ACOXL: variants seen among roughly 807,000 people sequenced by gnomAD.
ACOXL encodes the protein acyl-coenzyme A oxidase-like protein.
A neutral mutation model predicts 71.9 loss-of-function variants in ACOXL; 70 were observed. The ratio of observed to expected loss-of-function variants is 0.97; its 90% CI spans 0.80 to 1.19. The LOEUF (loss-of-function observed/expected upper bound fraction) is 1.19, where lower values mean the gene tolerates loss of function less well. Ranked by LOEUF, ACOXL falls within the 50% of genes most tolerant of loss-of-function variation. ACOXL has a pLI of 0.00. For synonymous variants in ACOXL, 253 were observed against 281.6 expected (o/e 0.90, Z 1.02); for missense variants, 703 against 736.3 (o/e 0.95, Z 0.52).
chr2:111,017,196 T>TG (rs1454162211), intron 14 of ACOXL, among the ~76,000 whole-genome samples: 1 of 152,126 alleles, frequency 6.6e-6, no homozygotes, highest in African/African-American at 2.4e-5. Flanking sequence ...GTGGTGGTAT[T>TG]GGGGTGTGCA....
chr2:111,090,982 A>G (rs1474332722), intron 16 of ACOXL, among the ~76,000 whole-genome samples: 2 of 152,152 alleles, frequency 1.3e-5, no homozygotes, highest in African/African-American at 4.8e-5. Context: ...GAGGTCCTTC[A>G]CATCCCTTGT....
chr2:111,064,978 A>G (rs999387087), intron 16 of ACOXL, among the ~76,000 whole-genome samples: 63 of 152,356 alleles, frequency 4.1e-4, no homozygotes, highest in African/African-American at 1.3e-3. Flanking sequence ...AATTTCAGCA[A>G]GATTTTTTTA....
intron 10 of ACOXL, among the ~76,000 whole-genome samples, chr2:110,844,032 G>T (rs116776090): frequency 1.8e-3 from 268 of 152,314 alleles, no homozygotes; most frequent in African/African-American, 6.3e-3. Context: ...TTCACAAAAG[G>T]CTGCCTGCAG....
At chr2:111,019,815 G>A (rs1228239518) in intron 14 of ACOXL, among the ~76,000 whole-genome samples, 1 of 152,152 alleles carries the variant, frequency 6.6e-6, no homozygotes, top group Non-Finnish European at 1.5e-5. Flanking sequence ...TGCTGAATTT[G>A]CTCTATTTCT....
At chr2:110,955,862 GTC>G (rs1015297007) in intron 12 of ACOXL, among the ~76,000 whole-genome samples, 3 of 151,720 alleles carry the variant, frequency 2.0e-5, no homozygotes, top group Non-Finnish European at 4.4e-5. Flanking sequence ...GTTGGAGGAG[GTC>G]TCTCTTGCTA....
At chr2:110,801,390 G>T (rs1685972574) in intron 7 of ACOXL, among the ~76,000 whole-genome samples, 1 of 152,188 alleles carries the variant, frequency 6.6e-6, no homozygotes, top group Non-Finnish European at 1.5e-5. Context: ...CATGCCCAAA[G>T]CATGCACATG....
chr2:110,832,703 T>C (rs1241536312), intron 9 of ACOXL, among the ~76,000 whole-genome samples: 5 of 152,178 alleles, frequency 3.3e-5, no homozygotes, highest in Non-Finnish European at 7.4e-5. Context: ...GTATGTAGAA[T>C]ATGTTAAGAG....
intron 1 of ACOXL, among the ~76,000 whole-genome samples, chr2:110,767,692 C>T (rs543249395): frequency 6.6e-6 from 1 of 152,170 alleles, no homozygotes; most frequent in Non-Finnish European, 1.5e-5. Context: ...TCTTGCAACA[C>T]GCATGTCACT....
chr2:110,873,365 G>A (rs1483253700), intron 10 of ACOXL, among the ~76,000 whole-genome samples: 1 of 152,168 alleles, frequency 6.6e-6, no homozygotes, highest in Non-Finnish European at 1.5e-5. Flanking sequence ...GGCCCAGTGT[G>A]GACTCAACCT....
At chr2:111,097,473 A>AGCACCCAGCACC (rs963598512) in intron 17 of ACOXL, among the ~76,000 whole-genome samples, 6 of 152,246 alleles carry the variant, frequency 3.9e-5, no homozygotes, top group Non-Finnish European at 1.5e-5. Flanking sequence ...AACAACAACC[A>AGCACCCAGCACC]CATCCAGCAC....
In ACOXL at chr2:110,899,381, A is replaced by G. The variant is rs542919839; in HGVS notation, c.789-9408A>G. Among the ~76,000 whole-genome samples the G allele has an allele frequency of 7.9e-5, 12 of 152,270 alleles. No individual in the cohort carries two copies. In the South Asian group the frequency reaches 1.4e-3, roughly 18 times the overall value. On this transcript the variant is annotated intron_variant, in intron 10 of 17. Coordinates refer to ENST00000439055, the MANE Select transcript of ACOXL (RefSeq NM_001142807.4). ...TCTGCATTTATCTCCTTGCTCACAC[A>G]TGGTGGTCAGACTTGCTACCTCCAA...
chr2:110,989,224 C>T lies in ACOXL; in HGVS notation c.1169+2007C>T, dbSNP rs534155008. Reference sequence around the variant, plus strand: ...CTCCTTTGTGGACAGTCAGTTGTTCCGGCACCGTTTACTGAATTGGACATT... The same window carrying T: ...CTCCTTTGTGGACAGTCAGTTGTTCTGGCACCGTTTACTGAATTGGACATT... On this transcript the variant is annotated intron_variant, in intron 13 of 17. Transcript: ENST00000439055. 1.0e-3 allele frequency among the ~76,000 whole-genome samples: 152 copies of T among 152,126 alleles called. 1 individual carries two copies. The highest frequency in any genetic ancestry group is 3.4e-3 in the Middle Eastern group (1 of 294).
At chr2:110,789,437 A>C (rs1023297619) in intron 3 of ACOXL, among the ~76,000 whole-genome samples, 3 of 152,198 alleles carry the variant, frequency 2.0e-5, no homozygotes, top group African/African-American at 7.2e-5. Flanking sequence ...TGAGTTAAAC[A>C]GCAGAAATTT....
At chr2:110,785,245 AC>A (rs1452858226) in intron 3 of ACOXL, among the ~76,000 whole-genome samples, 1 of 152,184 alleles carries the variant, frequency 6.6e-6, no homozygotes, top group Non-Finnish European at 1.5e-5. Context: ...GGTCATGAGA[AC>A]CCTTTAGTCA....
chr2:111,026,284 G>T (rs2065013316), intron 14 of ACOXL, among the ~76,000 whole-genome samples: 2 of 152,072 alleles, frequency 1.3e-5, no homozygotes, highest in South Asian at 4.2e-4. Flanking sequence ...AGCTTGTATG[G>T]TTCTACCATA....
chr2:110,906,564 A>T (rs1574070374), intron 10 of ACOXL, among the ~76,000 whole-genome samples: 2 of 138,280 alleles, frequency 1.4e-5, no homozygotes, highest in African/African-American at 2.7e-5. Flanking sequence ...AAATTGTATT[A>T]TTATCGTACT....
chr2:110,915,781 A>AT (rs1311279365), intron 11 of ACOXL, among the ~76,000 whole-genome samples: 32 of 151,658 alleles, frequency 2.1e-4, no homozygotes, highest in Admixed American at 2.0e-3. Flanking sequence ...TTTGATAAGG[A>AT]TTTTTTGTGT....
intron 1 of ACOXL, among the ~76,000 whole-genome samples, chr2:110,752,538 T>C (rs1559217422): frequency 6.6e-6 from 1 of 151,104 alleles, no homozygotes; most frequent in African/African-American, 2.4e-5. Context: ...GAGAAAGTAG[T>C]GATTGAGGGG....
intron 7 of ACOXL, 36 bp from the exon 8 acceptor site, chr2:110,801,616 G>T: frequency 6.4e-7 from 1 of 1,573,982 alleles, no homozygotes; most frequent in Non-Finnish European, 8.7e-7. Context: ...AAATACTTCT[G>T]ATGCTGCATC....
Sources: gnomAD v4.1 joint callset for allele counts (sites outside exome capture counted in the v4.1 genomes callset) on GRCh38, gnomAD v4.1.1 for gene constraint, MANE v1.5 for transcripts, NCBI Gene and HGNC (gene_info 2026-07-23, HGNC 2026-07-21) for gene names.